Variants in SORCS1 observed in about 807,000 individuals in gnomAD.
The protein encoded by SORCS1 is sortilin related VPS10 domain containing receptor 1.
In SORCS1, 60 loss-of-function variants were observed where a neutral mutation model predicts 146.1. That is an observed-to-expected ratio of 0.41 (90% CI 0.33 to 0.51). The LOEUF is 0.51. Among genes scored for constraint, SORCS1 ranks in the 20% least tolerant of loss-of-function variants. The pLI is 0.21. For missense variants in SORCS1, 1,352 were observed against 1,487.6 expected, an observed-to-expected ratio of 0.91 and a Z score of 1.50; for synonymous variants, 637 against 584.0, an observed-to-expected ratio of 1.09 and a Z score of -1.31.
At chr10:106,840,738 G>A (rs1219324919) in intron 2 of SORCS1, among the ~76,000 whole-genome samples, 1 of 151,436 alleles carries the variant, frequency 6.6e-6, no homozygotes, top group Non-Finnish European at 1.5e-5. Context: ...GAAATTGCCA[G>A]AGCCACCTTA....
chr10:107,123,948 G>A (rs570261267), intron 1 of SORCS1, among the ~76,000 whole-genome samples: 6 of 151,520 alleles, frequency 4.0e-5, no homozygotes, highest in Admixed American at 6.6e-5. Context: ...TGAGCTGGGC[G>A]TGGTGGCGGG....
At chr10:106,794,454 C>T (rs1044687769) in intron 3 of SORCS1, among the ~76,000 whole-genome samples, 4 of 151,862 alleles carry the variant, frequency 2.6e-5, no homozygotes, top group Non-Finnish European at 5.9e-5. Flanking sequence ...ATATTCCTCA[C>T]TTCCTACAAC....
In SORCS1 at chr10:107,155,053, C is replaced by T. The variant is rs907531723; in HGVS notation, c.558+8916G>A. On this transcript the variant is annotated intron_variant, in intron 1 of 25. Coordinates refer to ENST00000263054, the MANE Select transcript of SORCS1 (RefSeq NM_052918.5). ...CATGTGTACTTTCTGCCATTTAAGA[C>T]ATATTGTGGTTATGTGGACAGCCAT... 2.6e-5 allele frequency among the ~76,000 whole-genome samples: 4 copies of T among 152,198 alleles called. No homozygotes were observed. In the East Asian group the frequency reaches 7.7e-4, roughly 29 times the overall value.
chr10:107,160,711 G>A (rs773064316), intron 1 of SORCS1, among the ~76,000 whole-genome samples: 3 of 151,992 alleles, frequency 2.0e-5, no homozygotes, highest in African/African-American at 4.8e-5. Flanking sequence ...ACTTAACTCC[G>A]GCATAAAAAT....
intron 2 of SORCS1, among the ~76,000 whole-genome samples, chr10:106,859,982 T>A (rs1949949640): frequency 6.6e-6 from 1 of 152,206 alleles, no homozygotes; most frequent in Admixed American, 6.5e-5. Context: ...AGTTCTCCTT[T>A]ATCACCAGAA....
At chr10:106,853,351 C>G (rs959950405) in intron 2 of SORCS1, among the ~76,000 whole-genome samples, 10 of 151,214 alleles carry the variant, frequency 6.6e-5, no homozygotes, top group Non-Finnish European at 1.5e-4. Context: ...ATTTTGTGCT[C>G]CCTCTCTTTT....
chr10:107,088,379 G>C (rs982954929), intron 1 of SORCS1, among the ~76,000 whole-genome samples: 1 of 152,166 alleles, frequency 6.6e-6, no homozygotes, highest in African/African-American at 2.4e-5. Flanking sequence ...ACCACAGGCA[G>C]CTTTTACTCA....
intron 1 of SORCS1, among the ~76,000 whole-genome samples, chr10:107,128,995 T>C (rs1050659552): frequency 2.0e-5 from 3 of 152,260 alleles, no homozygotes; most frequent in African/African-American, 7.2e-5. Context: ...ATAAATTATT[T>C]GCAAAAAAGG....
In SORCS1 at chr10:107,032,017, G is replaced by T. The variant is rs74154833; in HGVS notation, c.559-75437C>A. 6.3e-3 allele frequency among the ~76,000 whole-genome samples: 955 copies of T among 152,236 alleles called. 13 individuals are homozygous for T. Among genetic ancestry groups the T allele is most frequent in the African/African-American group, 0.022 (906 of 41,546 alleles). On this transcript the variant is annotated intron_variant, in intron 1 of 25. Coordinates refer to ENST00000263054, the MANE Select transcript of SORCS1 (RefSeq NM_052918.5). ...ATGCACAGTCCGGCATACCAGTGGA[G>T]TGAAAAGAGTGCCCATAGGACTCAG...
intron 3 of SORCS1, among the ~76,000 whole-genome samples, chr10:106,789,115 T>C (rs1046741544): frequency 6.6e-6 from 1 of 152,174 alleles, no homozygotes; most frequent in Non-Finnish European, 1.5e-5. Context: ...TGGTGGTCCC[T>C]TTCAGCCACG....
At chr10:106,783,314 T>C (rs1186981354) in intron 3 of SORCS1, among the ~76,000 whole-genome samples, 2 of 152,226 alleles carry the variant, frequency 1.3e-5, no homozygotes, top group African/African-American at 4.8e-5. Context: ...TGAGGCAATT[T>C]GCTCAAGGTT....
Position 106,607,258 on chromosome 10 carries a change from G to A in SORCS1, c.3073C>T (p.Leu1025Phe). ...VPGQHILVAV[L>F]PGLPTTAELF... ...TCAGCAGTGGTGGGTAAGCCAGGGA[G>A]CACCGCCACCAGGATGTGCTGGCCT... The change falls in exon 23 of 26, where the codon CTC becomes TTC. Residue 1025 changes from leucine to phenylalanine, a missense_variant. Transcript: ENST00000263054. 3 of 1,614,138 alleles carry A rather than the reference G, an allele frequency of 1.9e-6. No homozygotes were observed. Among genetic ancestry groups the A allele is most frequent in the Non-Finnish European group, 2.5e-6 (3 of 1,179,994 alleles).
At chr10:106,795,374 G>A (rs951885463) in intron 3 of SORCS1, among the ~76,000 whole-genome samples, 8 of 152,238 alleles carry the variant, frequency 5.3e-5, no homozygotes, top group African/African-American at 1.9e-4. Flanking sequence ...TGATTGGTTA[G>A]TATCCCTTTT....
intron 1 of SORCS1, among the ~76,000 whole-genome samples, chr10:106,969,512 T>C (rs1040265127): frequency 1.3e-5 from 2 of 152,146 alleles, no homozygotes; most frequent in African/African-American, 2.4e-5. Flanking sequence ...TTGAAAGAAG[T>C]AGATCTAGGA....
intron 4 of SORCS1, among the ~76,000 whole-genome samples, chr10:106,763,814 A>G (rs111462204): frequency 2.0e-5 from 3 of 152,332 alleles, no homozygotes; most frequent in African/African-American, 7.2e-5. Flanking sequence ...AACCTTTCAC[A>G]AATGCAAGGC....
chr10:106,985,322 A>AATCAAC (rs1398867557), intron 1 of SORCS1, among the ~76,000 whole-genome samples: 71 of 152,336 alleles, frequency 4.7e-4, no homozygotes, highest in African/African-American at 1.4e-3. Context: ...TTATAAACCA[A>AATCAAC]GTTGAAGTTG....
intron 1 of SORCS1, among the ~76,000 whole-genome samples, chr10:106,973,786 G>T (rs1955887279): frequency 6.6e-6 from 1 of 152,194 alleles, no homozygotes. Flanking sequence ...AGCATGGAAT[G>T]AATAATTTAT....
intron 3 of SORCS1, among the ~76,000 whole-genome samples, chr10:106,824,126 A>G (rs534672380): frequency 5.9e-5 from 9 of 151,552 alleles, no homozygotes; most frequent in Non-Finnish European, 1.2e-4. Flanking sequence ...TAACATGGTG[A>G]AATCCCATCT....
chr10:106,837,579 A>G (rs1948838913), intron 2 of SORCS1, among the ~76,000 whole-genome samples: 1 of 150,382 alleles, frequency 6.6e-6, no homozygotes, highest in Non-Finnish European at 1.5e-5. Context: ...GAGACCCCCA[A>G]TAACATCACT....
Sources: gnomAD v4.1 joint callset for allele counts (sites outside exome capture counted in the v4.1 genomes callset) on GRCh38, gnomAD v4.1.1 for gene constraint, MANE v1.5 for transcripts, NCBI Gene and HGNC (gene_info 2026-07-23, HGNC 2026-07-21) for gene names.